SPICE1: variants seen among roughly 807,000 people sequenced by gnomAD.
SPICE1 encodes spindle and centriole associated protein 1.
Under a neutral mutation model 102.7 loss-of-function variants are expected in SPICE1, and 75 were observed. The ratio of observed to expected loss-of-function variants is 0.73; its 90% CI spans 0.61 to 0.88. SPICE1 has a LOEUF of 0.88. SPICE1 is among the 40% of genes least tolerant of loss of function. The probability of loss-of-function intolerance (pLI) is 0.00; values close to 1 mark genes in which losing one functional copy is unlikely to be tolerated. For synonymous variants in SPICE1, 308 were observed against 350.3 expected, an observed-to-expected ratio of 0.88 and a Z score of 1.35; for missense variants, 979 against 1,020.1, an observed-to-expected ratio of 0.96 and a Z score of 0.55.
intron 12 of SPICE1, chr3:113,459,905 A>T (rs963349182): frequency 6.1e-6 from 6 of 984,490 alleles, no homozygotes; most frequent in Non-Finnish European, 7.2e-6. Context: ...AAAAAAAAAT[A>T]GCAAGACTCC....
At chr3:113,509,253 AAGAT>A (rs2107510076) in intron 1 of SPICE1, among the ~76,000 whole-genome samples, 1 of 152,336 alleles carries the variant, frequency 6.6e-6, no homozygotes, top group African/African-American at 2.4e-5. Flanking sequence ...GTTATTTTAA[AAGAT>A]AGGAAAACAA....
intron 11 of SPICE1, among the ~76,000 whole-genome samples, chr3:113,463,864 C>T (rs1433303840): frequency 6.6e-6 from 1 of 152,120 alleles, no homozygotes; most frequent in Non-Finnish European, 1.5e-5. Context: ...GTCAGGAGAT[C>T]GAGACCATCC....
chr3:113,460,163 A>G (rs1201731213), intron 12 of SPICE1: 5 of 985,338 alleles, frequency 5.1e-6, no homozygotes, highest in African/African-American at 1.7e-5. Context: ...ACTATCACAC[A>G]TGAACAAAAG....
At chr3:113,491,624 CAAAAA>C (rs869171154) in intron 6 of SPICE1, among the ~76,000 whole-genome samples, 107 of 38,098 alleles carry the variant, frequency 2.8e-3, no homozygotes, top group African/African-American at 7.9e-3. Flanking sequence ...GACTCCGTCT[CAAAAA>C]AAAAAAAAAA....
intron 13 of SPICE1, 114 bp downstream of exon 13, chr3:113,457,022 G>C: frequency 1.0e-6 from 1 of 998,304 alleles, no homozygotes; most frequent in Non-Finnish European, 1.5e-6. Context: ...TAAAGGCTAT[G>C]TGTGGTAATC....
chr3:113,468,748 T>C lies in SPICE1; in HGVS notation c.889+14A>G, dbSNP rs1292884700. ...CATGTTTAATATTCATCTTTGTAAATTAAGGGACTGAACCTTTATTTAACA... is the reference window on the plus strand; with the variant it reads ...CATGTTTAATATTCATCTTTGTAAACTAAGGGACTGAACCTTTATTTAACA... On this transcript the variant is annotated intron_variant, in intron 9 of 17. Transcript: ENST00000295872. 3 of 1,604,366 alleles carry C rather than the reference T, an allele frequency of 1.9e-6. No homozygotes were observed. Among genetic ancestry groups the C allele is most frequent in the African/African-American group, 1.3e-5 (1 of 74,282 alleles).
intron 12 of SPICE1, among the ~76,000 whole-genome samples, chr3:113,459,081 C>T (rs149899114): frequency 1.3e-5 from 2 of 152,186 alleles, no homozygotes; most frequent in African/African-American, 2.4e-5. Flanking sequence ...AAGAAAAATT[C>T]TTCTGCCTTG....
intron 7 of SPICE1, among the ~76,000 whole-genome samples, chr3:113,470,457 C>A (rs867633025): frequency 6.6e-6 from 1 of 152,128 alleles, no homozygotes; most frequent in African/African-American, 2.4e-5. Context: ...GAGTAGATGA[C>A]CATGACATAT....
chr3:113,490,189 A>G (rs893479103), intron 6 of SPICE1, among the ~76,000 whole-genome samples: 1 of 152,222 alleles, frequency 6.6e-6, no homozygotes, highest in African/African-American at 2.4e-5. Flanking sequence ...CAAAAGGCCT[A>G]TATCAACCTT....
chr3:113,486,316 T>C (rs1936647338), intron 7 of SPICE1, among the ~76,000 whole-genome samples: 1 of 145,814 alleles, frequency 6.9e-6, no homozygotes, highest in Admixed American at 6.8e-5. Context: ...GCAAACAAAT[T>C]CAAAAGTTAG....
At position 113,468,226 on chromosome 3, in the gene SPICE1, G is replaced by C; in HGVS notation, c.1068C>G (p.Val356=). 6.2e-7 allele frequency: 1 copy of C among 1,614,080 alleles called. No homozygotes were observed. Among genetic ancestry groups the C allele is most frequent in the Non-Finnish European group, 8.5e-7 (1 of 1,180,028 alleles). The change falls in exon 10 of 18, where the codon GTC becomes GTG. Residue 356 remains valine, a synonymous_variant. Coordinates refer to ENST00000295872, the MANE Select transcript of SPICE1 (RefSeq NM_144718.4). ...EEYERWTGRE[V]KGLQSSQGLT... Reference sequence around the variant, plus strand: ...GACCCTGACTGCTCTGCAGACCCTTGACCTCGCGACCTGTCCACCGCTCAT... The same window carrying C: ...GACCCTGACTGCTCTGCAGACCCTTCACCTCGCGACCTGTCCACCGCTCAT...
chr3:113,504,872 A>G (rs542872124), intron 2 of SPICE1, among the ~76,000 whole-genome samples: 1 of 152,262 alleles, frequency 6.6e-6, no homozygotes, highest in Admixed American at 6.5e-5. Context: ...TTTACCATTT[A>G]CTCCAAATGA....
intron 3 of SPICE1, among the ~76,000 whole-genome samples, chr3:113,500,203 GGGTTCACTAA>G (rs1011181786): frequency 5.9e-5 from 9 of 152,260 alleles, no homozygotes; most frequent in South Asian, 4.2e-4. Context: ...TCACTAAGGT[GGGTTCACTAA>G]GGTTCACTAA....
Position 113,444,999 on chromosome 3 carries a change from AATAAAG to A in SPICE1, c.*302_*307del, listed in dbSNP as rs1163050820. ...ATATACTAAACCTCAAAAAACCCTG[AATAAAG>A]ATAAAGGTAAAAATGTATTAATAAA... On this transcript the variant is annotated 3_prime_UTR_variant, in exon 18 of 18. Transcript: ENST00000295872. 3 of 187,198 alleles carry A rather than the reference AATAAAG, an allele frequency of 1.6e-5. No homozygotes were observed. Among genetic ancestry groups the A allele is most frequent in the East Asian group, 2.5e-4 (2 of 7,890 alleles). The allele number at this position is 187,198 out of a possible 1,614,324, so 11.6% of individuals were successfully genotyped here.
intron 12 of SPICE1, among the ~76,000 whole-genome samples, chr3:113,457,934 G>A (rs1217779284): frequency 6.6e-6 from 1 of 152,158 alleles, no homozygotes; most frequent in Non-Finnish European, 1.5e-5. Context: ...GTAACAAAAT[G>A]GCTAAAATGG....
chr3:113,458,085 T>G (rs1172531896), intron 12 of SPICE1, among the ~76,000 whole-genome samples: 1 of 152,242 alleles, frequency 6.6e-6, no homozygotes, highest in Admixed American at 6.5e-5. Flanking sequence ...AGATATTACA[T>G]AAATCTTTGG....
chr3:113,494,142 T>A lies in SPICE1; in HGVS notation c.292A>T (p.Ile98Phe). The change falls in exon 5 of 18, where the codon ATT (isoleucine) becomes TTT (phenylalanine). Residue 98 changes from isoleucine (I) to phenylalanine (F), a missense_variant and splice_region_variant. Physicochemically the swap from Ile to Phe is conservative, Grantham distance 21. Transcript: ENST00000295872. ...TGCATCTGGTATTGATCAGAAAGAA[T>A]CTAGACATGTGTTAATGACAAATAT... ...EKRRLSIMKE[I>F]LSDQYQMQDV... The A allele has an allele frequency of 6.3e-7, 1 of 1,578,874 alleles. No homozygotes were observed. The highest frequency in any genetic ancestry group is 2.2e-5 in the East Asian group (1 of 44,642).
chr3:113,480,733 A>T (rs1051066319), intron 7 of SPICE1, among the ~76,000 whole-genome samples: 4 of 151,960 alleles, frequency 2.6e-5, no homozygotes, highest in Admixed American at 1.3e-4. Flanking sequence ...AAAAAAATGT[A>T]TCTGGGTATG....
In SPICE1 at chr3:113,502,388, C is replaced by A. The variant is rs1423915565; in HGVS notation, c.147+792G>T. Reference sequence around the variant, plus strand: ...TATGCTAAGACAAAGAAGCTAGACACAAAAGGCCACGTGTTGTATTCCGCA... The same window carrying A: ...TATGCTAAGACAAAGAAGCTAGACAAAAAAGGCCACGTGTTGTATTCCGCA... On this transcript the variant is annotated intron_variant, in intron 3 of 17. Coordinates refer to ENST00000295872, the MANE Select transcript of SPICE1 (RefSeq NM_144718.4). Among the ~76,000 whole-genome samples the A allele has an allele frequency of 4.6e-5, 7 of 152,210 alleles. No individual in the cohort carries two copies. In the East Asian group the frequency reaches 7.7e-4, roughly 17 times the overall value.
Sources: allele counts gnomAD v4.1 joint callset (sites outside exome capture counted in the v4.1 genomes callset), GRCh38; gene constraint gnomAD v4.1.1; transcripts MANE v1.5; gene names NCBI Gene and HGNC (gene_info 2026-07-23, HGNC 2026-07-21).